The following PROSER2 variants were observed in gnomAD, a reference collection of about 807,000 sequenced individuals.
PROSER2 encodes proline and serine rich 2.
A neutral mutation model predicts 14.6 loss-of-function variants in PROSER2; 18 were observed. That is an observed-to-expected ratio of 1.23 (90% CI 0.85 to 1.83). The LOEUF is 1.83. Among genes scored for constraint, PROSER2 ranks in the 40% most tolerant of loss-of-function variants. The pLI is 0.00. For missense variants in PROSER2, 823 were observed against 629.8 expected (o/e 1.31, Z -3.28); for synonymous variants, 367 against 286.4 (o/e 1.28, Z -2.84).
chr10:11,864,132 C>G (rs1265439009), intron 2 of PROSER2, among the ~76,000 whole-genome samples: 1 of 152,134 alleles, frequency 6.6e-6, no homozygotes, highest in Non-Finnish European at 1.5e-5. Flanking sequence ...AGATTGAAGA[C>G]CTTGCATGAC....
intron 1 of PROSER2, among the ~76,000 whole-genome samples, chr10:11,829,425 A>C (rs1010366842): frequency 4.0e-5 from 6 of 151,744 alleles, no homozygotes; most frequent in Non-Finnish European, 7.4e-5. Context: ...ATCTACAAAA[A>C]ATTAAAAAAT....
At chr10:11,847,864 A>C (rs1833947801) in intron 1 of PROSER2, among the ~76,000 whole-genome samples, 1 of 152,224 alleles carries the variant, frequency 6.6e-6, no homozygotes, top group South Asian at 2.1e-4. Context: ...CCTGACAGCC[A>C]CCACAGTTTT....
intron 1 of PROSER2, among the ~76,000 whole-genome samples, chr10:11,848,376 C>T (rs1287316589): frequency 1.3e-5 from 2 of 152,180 alleles, no homozygotes; most frequent in East Asian, 1.9e-4. Flanking sequence ...GCCATGTTGG[C>T]CAGGCTGGTC....
In PROSER2 at chr10:11,869,803, T is replaced by C. The variant is rs755745570; in HGVS notation, c.705T>C (p.Ser235=). ...WRTPAARGPR[S]GDPGPGPSHP... ...CACCTGCCGCCCGGGGGCCCCGCAG[T>C]GGAGACCCTGGCCCGGGGCCCAGCC... is the stretch of plus-strand genomic sequence containing the variant. The change falls in exon 4 of 4, where the codon AGT becomes AGC. Residue 235 remains serine, a synonymous_variant. Coordinates refer to ENST00000277570, the MANE Select transcript of PROSER2 (RefSeq NM_153256.4). This position sits in a 1 kb window ranked among gnomAD's most constrained non-coding sequence, Gnocchi z 4.4. 6.4e-7 allele frequency: 1 copy of C among 1,556,498 alleles called. No homozygotes were observed. The highest frequency in any genetic ancestry group is 1.2e-5 in the South Asian group (1 of 82,734).
chr10:11,841,787 C>T lies in PROSER2; in HGVS notation c.-81-10210C>T, dbSNP rs1833848741. Among the ~76,000 whole-genome samples the T allele has an allele frequency of 3.3e-5, 5 of 152,008 alleles. No individual in the cohort carries two copies. In the South Asian group the frequency reaches 1.0e-3, roughly 32 times the overall value. On this transcript the variant is annotated intron_variant, in intron 1 of 3. Coordinates refer to ENST00000277570, the MANE Select transcript of PROSER2 (RefSeq NM_153256.4). Reference sequence around the variant, plus strand: ...AATTTGCTGAGACTTGCTTTCTGACCCCATGTCATCAGTTCTCCTACGTAT... The same window carrying T: ...AATTTGCTGAGACTTGCTTTCTGACTCCATGTCATCAGTTCTCCTACGTAT...
At chr10:11,826,550 C>T (rs1833616032) in intron 1 of PROSER2, among the ~76,000 whole-genome samples, 1 of 152,106 alleles carries the variant, frequency 6.6e-6, no homozygotes, top group East Asian at 1.9e-4. Flanking sequence ...TTATTTTCCC[C>T]CGCCTTTTTA....
At position 11,856,383 on chromosome 10, in the gene PROSER2, C is replaced by T. The variant is rs1834123126; in HGVS notation, c.138+4168C>T. ...CCAGGCTCTCACTCTGAATGAGGTC[C>T]TGAAGTCGGGTCTGCCTTCACACAT... On this transcript the variant is annotated intron_variant, in intron 2 of 3. Coordinates refer to ENST00000277570, the MANE Select transcript of PROSER2 (RefSeq NM_153256.4). The surrounding 1 kb of genome is among the most constrained non-coding windows in gnomAD (Gnocchi z 5.3). 6.6e-6 allele frequency among the ~76,000 whole-genome samples: 1 copy of T among 152,210 alleles called. No homozygotes were observed. The highest frequency in any genetic ancestry group is 2.4e-5 in the African/African-American group (1 of 41,442).
Position 11,836,910 on chromosome 10 carries a change from C to G in PROSER2, c.-82+13440C>G, listed in dbSNP as rs1833769718. 6.6e-6 allele frequency among the ~76,000 whole-genome samples: 1 copy of G among 152,104 alleles called. No individual in the cohort carries two copies. The highest frequency in any genetic ancestry group is 1.5e-5 in the Non-Finnish European group (1 of 68,024). ...GCGATGGAAAATTCCAGAAATAAAT[C>G]CTTCATAAGTTTTAAATTGTGCACC... On this transcript the variant is annotated intron_variant, in intron 1 of 3. Coordinates refer to ENST00000277570, the MANE Select transcript of PROSER2 (RefSeq NM_153256.4). The surrounding 1 kb of genome is among the most constrained non-coding windows in gnomAD (Gnocchi z 4.6).
At chr10:11,845,302 TG>T (rs984260490) in intron 1 of PROSER2, among the ~76,000 whole-genome samples, 2 of 152,214 alleles carry the variant, frequency 1.3e-5, no homozygotes, top group Non-Finnish European at 2.9e-5. Context: ...CGGAGCACCT[TG>T]TTTCCCCACA....
At chr10:11,854,608 G>A (rs533224852) in intron 2 of PROSER2, among the ~76,000 whole-genome samples, 1 of 128,556 alleles carries the variant, frequency 7.8e-6, no homozygotes, top group East Asian at 2.3e-4. Context: ...ACCATGCCCA[G>A]CCTGCTGAAA....
chr10:11,855,212 G>A lies in PROSER2; in HGVS notation c.138+2997G>A, dbSNP rs549354425. On this transcript the variant is annotated intron_variant, in intron 2 of 3. Transcript: ENST00000277570. ...GATAAGGCCAGGTGCGGTGGCTCAC[G>A]CCTGTAATCCCAGCACTTTGGGAGG... Among the ~76,000 whole-genome samples, 11 of 147,112 alleles carry A rather than the reference G, an allele frequency of 7.5e-5. No individual in the cohort carries two copies. In the South Asian group the frequency reaches 2.4e-3, roughly 32 times the overall value.
chr10:11,856,865 G>A lies in PROSER2; in HGVS notation c.138+4650G>A, dbSNP rs140381107. On this transcript the variant is annotated intron_variant, in intron 2 of 3. Coordinates refer to ENST00000277570, the MANE Select transcript of PROSER2 (RefSeq NM_153256.4). This position sits in a 1 kb window ranked among gnomAD's most constrained non-coding sequence, Gnocchi z 5.3. The stretch of plus-strand genomic sequence containing the variant: ...GAGTGTGCTAGAAATCTGATGTGCT[G>A]TTTGCTCTGTGACTTCAGGAGGGGA... Among the ~76,000 whole-genome samples the A allele has an allele frequency of 0.012, 1,760 of 152,312 alleles. 26 individuals carry two copies. The highest frequency in any genetic ancestry group is 0.026 in the Admixed American group (398 of 15,308).
At chr10:11,841,642 T>A (rs1177634204) in intron 1 of PROSER2, among the ~76,000 whole-genome samples, 1 of 152,202 alleles carries the variant, frequency 6.6e-6, no homozygotes, top group Non-Finnish European at 1.5e-5. Context: ...CTGAGAGTTA[T>A]TTAGAAGTAT....
intron 1 of PROSER2, among the ~76,000 whole-genome samples, chr10:11,840,875 A>C (rs1195274960): frequency 7.2e-6 from 1 of 139,738 alleles, no homozygotes; most frequent in Non-Finnish European, 1.5e-5. Flanking sequence ...CAGTGAGCGA[A>C]GATTGCACCA....
At chr10:11,855,559 G>A (rs1482890235) in intron 2 of PROSER2, among the ~76,000 whole-genome samples, 1 of 151,960 alleles carries the variant, frequency 6.6e-6, no homozygotes, top group Non-Finnish European at 1.5e-5. Flanking sequence ...AGTGCTAGTT[G>A]GAGTGTCACC....
chr10:11,868,705 C>T (rs1479178349), intron 3 of PROSER2, among the ~76,000 whole-genome samples: 1 of 152,144 alleles, frequency 6.6e-6, no homozygotes, highest in Non-Finnish European at 1.5e-5. Flanking sequence ...GGCTGGAGTG[C>T]AGTGGTGCCA....
chr10:11,834,933 C>G (rs1396443767), intron 1 of PROSER2, among the ~76,000 whole-genome samples: 4 of 151,680 alleles, frequency 2.6e-5, no homozygotes, highest in Non-Finnish European at 5.9e-5. Flanking sequence ...ATGGTGAAAC[C>G]CTGTGTCTAC....
At chr10:11,842,137 G>A (rs1037840409) in intron 1 of PROSER2, among the ~76,000 whole-genome samples, 2 of 151,646 alleles carry the variant, frequency 1.3e-5, no homozygotes, top group South Asian at 2.1e-4. Flanking sequence ...CAAGAGAATC[G>A]CTTGAACCCG....
chr10:11,838,365 G>C lies in PROSER2; in HGVS notation c.-81-13632G>C, dbSNP rs1221713028. On this transcript the variant is annotated intron_variant, in intron 1 of 3. Transcript: ENST00000277570. The surrounding 1 kb of genome is among the most constrained non-coding windows in gnomAD (Gnocchi z 4.4). ...CTCATCCAGCTGATCTAACTGATGTGCAGTATTCCGTAGTAAGCATTTACC... is the reference window on the plus strand; with the variant it reads ...CTCATCCAGCTGATCTAACTGATGTCCAGTATTCCGTAGTAAGCATTTACC... 6.6e-6 allele frequency among the ~76,000 whole-genome samples: 1 copy of C among 152,214 alleles called. No homozygotes were observed. Among genetic ancestry groups the C allele is most frequent in the East Asian group, 1.9e-4 (1 of 5,204 alleles).
Sources: allele counts gnomAD v4.1 joint callset (sites outside exome capture counted in the v4.1 genomes callset), GRCh38; gene constraint gnomAD v4.1.1; non-coding constraint Gnocchi (gnomAD v3.1); transcripts MANE v1.5; gene names NCBI Gene and HGNC (gene_info 2026-07-23, HGNC 2026-07-21).